Variants in URI1 observed in about 807,000 individuals in gnomAD.
URI1 encodes the protein URI1 prefoldin like chaperone, also known as unconventional prefoldin RPB5 interactor 1.
In URI1, 39 loss-of-function variants were observed where a neutral mutation model predicts 60.2. That is an observed-to-expected ratio of 0.65 (90% CI 0.50 to 0.85). The LOEUF (loss-of-function observed/expected upper bound fraction) is 0.85, where lower values mean the gene tolerates loss of function less well. Among genes scored for constraint, URI1 ranks in the 40% least tolerant of loss-of-function variants. The probability of loss-of-function intolerance (pLI) is 0.00; values close to 1 mark genes in which losing one functional copy is unlikely to be tolerated. For synonymous variants in URI1, 251 were observed against 236.8 expected (o/e 1.06, Z -0.55); for missense variants, 691 against 665.9 (o/e 1.04, Z -0.42).
At chr19:30,010,433 G>A (rs535704462) in intron 8 of URI1, among the ~76,000 whole-genome samples, 3 of 152,230 alleles carry the variant, frequency 2.0e-5, no homozygotes, top group South Asian at 2.1e-4. Flanking sequence ...AAAAAAGGTC[G>A]CTTTTTAATC....
chr19:29,938,812 G>A (rs1400094098), upstream of URI1, among the ~76,000 whole-genome samples: 1 of 151,676 alleles, frequency 6.6e-6, no homozygotes, highest in Admixed American at 6.6e-5. Context: ...GAGTAGCTGG[G>A]ACTACAGGTG....
rs1472114993 is a variant in URI1, at chr19:29,942,574, C to T, written c.27C>T (p.Pro9=). ...TGGAGGCGCCCACCGTGGAGACGCCCCCCGACCCCTCGCCCCCTTCGGCCC... is the reference window on the plus strand; with the variant it reads ...TGGAGGCGCCCACCGTGGAGACGCCTCCCGACCCCTCGCCCCCTTCGGCCC... MEAPTVET[P]PDPSPPSAPA... The change falls in exon 1 of 11, where the codon CCC becomes CCT. Residue 9 remains proline, a synonymous_variant. Transcript: ENST00000392271. 1.4e-6 allele frequency: 2 copies of T among 1,424,948 alleles called. No homozygotes were observed. 88.3% of individuals were successfully genotyped at this position (1,424,948 alleles called of 1,614,324 possible).
intron 6 of URI1, 88 bp from the exon 7 acceptor site, chr19:30,007,382 T>C (rs2055956726): frequency 1.4e-6 from 2 of 1,427,014 alleles, no homozygotes; most frequent in South Asian, 2.7e-5. Flanking sequence ...ATATTTCCCT[T>C]GCCCCAAAAG....
At position 30,009,211 on chromosome 19, in the gene URI1, GTGA is replaced by G. The variant is rs3840928; in HGVS notation, c.918_920del (p.Asp311del). On this transcript the variant is annotated inframe_deletion, in exon 8 of 11. Transcript: ENST00000392271. Reference sequence around the variant, plus strand: ...GTGAATGGTTCCAGTTCTTACCACAGTGATGATGATGATGATGATGATGATGAC... The same window carrying G: ...GTGAATGGTTCCAGTTCTTACCACAGTGATGATGATGATGATGATGATGAC... 0.83 allele frequency: 1,278,902 copies of G among 1,540,862 alleles called. 526,078 individuals carry two copies. Among genetic ancestry groups the G allele is most frequent in the Non-Finnish European group, 0.86 (961,269 of 1,123,298 alleles).
chr19:29,946,808 A>T (rs2055108502), intron 1 of URI1, among the ~76,000 whole-genome samples: 1 of 152,236 alleles, frequency 6.6e-6, no homozygotes, highest in Non-Finnish European at 1.5e-5. Flanking sequence ...CAAATATTTA[A>T]TGAGTATCTA....
rs138595161 is a variant in URI1, at chr19:29,964,713, C to T, written c.118-6480C>T. On this transcript the variant is annotated intron_variant, in intron 1 of 10. Transcript: ENST00000392271. The stretch of plus-strand genomic sequence containing the variant: ...CTGATCTTAGGTGATCCACCTGTCT[C>T]GGCCTCCCAAAGTGCTGGGATTACA... 7.7e-3 allele frequency among the ~76,000 whole-genome samples: 1,164 copies of T among 152,096 alleles called. 6 individuals carry two copies. The highest frequency in any genetic ancestry group is 0.011 in the Non-Finnish European group (760 of 67,974).
chr19:29,972,403 A>T (rs1353034458), intron 2 of URI1, among the ~76,000 whole-genome samples: 5 of 152,038 alleles, frequency 3.3e-5, no homozygotes, highest in Non-Finnish European at 7.4e-5. Context: ...TGGCCAAAGA[A>T]TTTTTTCCCC....
At chr19:29,989,996 T>C (rs1237907037) in intron 4 of URI1, among the ~76,000 whole-genome samples, 1 of 152,196 alleles carries the variant, frequency 6.6e-6, no homozygotes, top group East Asian at 1.9e-4. Context: ...CTGTGTTTTC[T>C]TCTGAAAGTT....
At chr19:29,987,934 A>G (rs186297390) in intron 4 of URI1, among the ~76,000 whole-genome samples, 407 of 152,236 alleles carry the variant, frequency 2.7e-3, no homozygotes, top group African/African-American at 9.1e-3. Flanking sequence ...TTGGGAGGAC[A>G]AGGCAGGTGG....
chr19:29,992,267 A>G (rs1400258932), intron 4 of URI1, among the ~76,000 whole-genome samples: 1 of 152,034 alleles, frequency 6.6e-6, no homozygotes, highest in African/African-American at 2.4e-5. Flanking sequence ...ATGGGGTTTC[A>G]CCATGTTGGC....
At chr19:29,956,094 C>T (rs2055243390) in intron 1 of URI1, among the ~76,000 whole-genome samples, 1 of 151,648 alleles carries the variant, frequency 6.6e-6, no homozygotes, top group African/African-American at 2.4e-5. Flanking sequence ...AAGCGATTCT[C>T]CTGCCTCAGC....
At chr19:29,956,518 G>C (rs2055249875) in intron 1 of URI1, 2 of 1,570,842 alleles carry the variant, frequency 1.3e-6, no homozygotes, top group African/African-American at 2.7e-5. Flanking sequence ...AATCAAAGCT[G>C]CTGAATTTGA....
chr19:30,009,836 A>G (rs2055995356), intron 8 of URI1, among the ~76,000 whole-genome samples: 1 of 152,208 alleles, frequency 6.6e-6, no homozygotes. Flanking sequence ...GTAAATATAA[A>G]CATCTGTGGA....
chr19:29,940,220 T>C (rs753233409), upstream of URI1, among the ~76,000 whole-genome samples: 1 of 151,980 alleles, frequency 6.6e-6, no homozygotes, highest in Non-Finnish European at 1.5e-5. Context: ...TGACCACAGA[T>C]CGCACTTCAT....
chr19:29,944,180 T>TATATATAA (rs2055073103), intron 1 of URI1, among the ~76,000 whole-genome samples: 1 of 92,408 alleles, frequency 1.1e-5, no homozygotes, highest in Non-Finnish European at 2.0e-5. Context: ...TATATATATA[T>TATATATAA]ATATATATAT....
intron 1 of URI1, among the ~76,000 whole-genome samples, chr19:29,931,630 T>C (rs1194701265): frequency 6.6e-6 from 1 of 152,208 alleles, no homozygotes; most frequent in African/African-American, 2.4e-5. Flanking sequence ...AACAATATTG[T>C]CTTCCAATCC....
chr19:29,946,015 C>T (rs1018705831), intron 1 of URI1, among the ~76,000 whole-genome samples: 3 of 152,098 alleles, frequency 2.0e-5, no homozygotes, highest in Non-Finnish European at 2.9e-5. Flanking sequence ...TTGGTTACTT[C>T]AGAGCTGATA....
At chr19:29,977,199 T>G (rs2055534331) in intron 2 of URI1, among the ~76,000 whole-genome samples, 1 of 152,064 alleles carries the variant, frequency 6.6e-6, no homozygotes, top group Non-Finnish European at 1.5e-5. Flanking sequence ...ACCTGCTTTA[T>G]GCACACATTG....
At chr19:29,976,346 G>T (rs568367766) in intron 2 of URI1, among the ~76,000 whole-genome samples, 1 of 152,206 alleles carries the variant, frequency 6.6e-6, no homozygotes, top group Non-Finnish European at 1.5e-5. Context: ...TTTGGTTGCA[G>T]CCAGTTGGTG....
Sources: gnomAD v4.1 joint callset for allele counts (sites outside exome capture counted in the v4.1 genomes callset) on GRCh38, gnomAD v4.1.1 for gene constraint, MANE v1.5 for transcripts, NCBI Gene and HGNC (gene_info 2026-07-23, HGNC 2026-07-21) for gene names.